Variants in MED16 observed in about 807,000 individuals in gnomAD.
The protein encoded by MED16 is mediator complex subunit 16, also known as mediator of RNA polymerase II transcription subunit 16.
Under a neutral mutation model 84.4 loss-of-function variants are expected in MED16, and 81 were observed. That is an observed-to-expected ratio of 0.96 (90% CI 0.80 to 1.15). The LOEUF (loss-of-function observed/expected upper bound fraction) is 1.15, where lower values mean the gene tolerates loss of function less well. MED16 is among the 50% of genes most tolerant of loss of function. The pLI, the probability that MED16 is intolerant of heterozygous loss-of-function variation, is 0.00. For missense variants in MED16, 1,585 were observed against 1,245.9 expected, an observed-to-expected ratio of 1.27 and a Z score of -4.10; for synonymous variants, 897 against 552.2, an observed-to-expected ratio of 1.62 and a Z score of -8.76.
intron 8 of MED16, among the ~76,000 whole-genome samples, chr19:878,568 AGCCC>A (rs2036326535): frequency 5.4e-5 from 3 of 55,484 alleles, no homozygotes; most frequent in African/African-American, 7.6e-5. Flanking sequence ...CCCCAGCCCC[AGCCC>A]CACATGCCCC....
rs753116958 is a variant in MED16 at position 880,025 on chromosome 19, G to A, written c.1265C>T (p.Pro422Leu). ...GTGGACGGCGGGGCCCGCGGTGCGGGGGCGCTTCATGGCCGGCTCATCCAC... is the reference window on the plus strand; with the variant it reads ...GTGGACGGCGGGGCCCGCGGTGCGGAGGCGCTTCATGGCCGGCTCATCCAC... ...RPVDEPAMKR[P>L]RTAGPAVHLK... Residue 422 changes from proline (P) to leucine (L), a missense_variant, in exon 8 of 16, where the codon CCC (proline) becomes CTC (leucine). By Grantham distance (98) the Pro-to-Leu change is moderately conservative. Coordinates refer to ENST00000325464, the MANE Select transcript of MED16 (RefSeq NM_005481.3). The A allele has an allele frequency of 3.7e-6, 6 of 1,610,692 alleles. No homozygotes were observed. In the South Asian group the frequency reaches 6.6e-5, roughly 18 times the overall value.
chr19:872,206 C>T (rs1001559534), intron 11 of MED16, 88 bp from the exon 12 acceptor site: 19 of 1,163,924 alleles, frequency 1.6e-5, no homozygotes, highest in South Asian at 7.4e-5. Context: ...GAACCCCGAC[C>T]GGGGGGCAAT....
chr19:881,322 T>C (rs2036418643), intron 7 of MED16, among the ~76,000 whole-genome samples: 1 of 152,170 alleles, frequency 6.6e-6, no homozygotes, highest in African/African-American at 2.4e-5. Context: ...AATGACTCTT[T>C]ACATATTAAA....
chr19:869,556 G>C (rs1490168574), intron 13 of MED16, among the ~76,000 whole-genome samples: 2 of 152,074 alleles, frequency 1.3e-5, no homozygotes, highest in African/African-American at 2.4e-5. Flanking sequence ...CCAAACCCTC[G>C]TGTGTGACTC....
At chr19:873,417 G>A (rs1264397821) in intron 11 of MED16, 32 bp downstream of exon 11, 2 of 1,594,096 alleles carry the variant, frequency 1.3e-6, no homozygotes, top group East Asian at 2.2e-5. Context: ...GCCCAGGTGG[G>A]GGGCGGGGCC....
Position 879,933 on chromosome 19 carries a change from T to G in MED16, c.1353+4A>C. 1 of 1,594,978 alleles carries G rather than the reference T, an allele frequency of 6.3e-7. No homozygotes were observed. The highest frequency in any genetic ancestry group is 8.5e-7 in the Non-Finnish European group (1 of 1,172,400). ...CCCCGGCCCCACGTGCCCCAGCAGC[T>G]CACCTTCCCGTGGCTGTCAATCCCC... On this transcript the variant is annotated splice_donor_region_variant and intron_variant, in intron 8 of 15. Transcript: ENST00000325464.
At chr19:878,716 C>T (rs2036332711) in intron 8 of MED16, among the ~76,000 whole-genome samples, 1 of 143,624 alleles carries the variant, frequency 7.0e-6, no homozygotes, top group Admixed American at 6.9e-5. Context: ...CTCGCCTTCC[C>T]CTGGTTGTCA....
chr19:872,144 C>T, intron 11 of MED16, 26 bp from the exon 12 acceptor site: 2 of 1,556,184 alleles, frequency 1.3e-6, no homozygotes, highest in Non-Finnish European at 8.7e-7. Flanking sequence ...ATCGGTGTGG[C>T]TGGGGCGGCG....
intron 11 of MED16, among the ~76,000 whole-genome samples, 194 bp from the exon 12 acceptor site, chr19:872,312 C>G (rs1458937863): frequency 6.6e-6 from 1 of 151,908 alleles, no homozygotes; most frequent in East Asian, 1.9e-4. Context: ...CCTGCAGGGC[C>G]CAGGACAGCC....
rs1052426936 is a variant in MED16, at chr19:872,871, G to A, written c.1905+578C>T. The A allele has an allele frequency of 5.0e-6, 4 of 796,520 alleles. 1 individual carries two copies. The highest frequency in any genetic ancestry group is 8.2e-5 in the South Asian group (2 of 24,244). The allele number at this position is 796,520 out of a possible 1,614,324, so 49.3% of individuals were successfully genotyped here. ...AGCAGGGCCTGGGAGGCGGGGCTTT[G>A]AGAATGGGCAGGAAGGGTGTGGCCA... is the stretch of plus-strand genomic sequence containing the variant. On this transcript the variant is annotated intron_variant, in intron 11 of 15. Transcript: ENST00000325464.
At position 871,225 on chromosome 19, in the gene MED16, C is replaced by A. The variant is rs376670615; in HGVS notation, c.2127G>T (p.Pro709=). Residue 709 remains proline, a synonymous_variant, in exon 13 of 16, where the codon CCG becomes CCT. Coordinates refer to ENST00000325464, the MANE Select transcript of MED16 (RefSeq NM_005481.3). The part of the protein sequence containing the change: ...CCRDEGPASE[P]DEALVDECCL... ...AGCATTCATCCACCAGCGCCTCGTC[C>A]GGCTCGCTCGCTGGGCCCTCATCGC... 20 of 1,542,780 alleles carry A rather than the reference C, an allele frequency of 1.3e-5. No homozygotes were observed. In the South Asian group the frequency reaches 2.0e-4, roughly 16 times the overall value.
rs370563314 is a variant in MED16, at chr19:871,258, G to A, written c.2099-5C>T. 242 of 1,530,634 alleles carry A rather than the reference G, an allele frequency of 1.6e-4. 1 individual carries two copies. The African/African-American group carries it at 2.5e-3, about 16-fold the overall frequency. 94.8% of individuals were successfully genotyped at this position (1,530,634 alleles called of 1,614,324 possible). The stretch of plus-strand genomic sequence containing the variant: ...TCGCTGGGCCCTCATCGCGACCTGC[G>A]GAGAGAGGTGGCGGAAGTCTCAGCA... On this transcript the variant is annotated splice_region_variant and splice_polypyrimidine_tract_variant and intron_variant, in intron 12 of 15. Coordinates refer to ENST00000325464, the MANE Select transcript of MED16 (RefSeq NM_005481.3).
At chr19:884,210 C>T (rs2036478551) in intron 6 of MED16, among the ~76,000 whole-genome samples, 3 of 152,332 alleles carry the variant, frequency 2.0e-5, no homozygotes, top group South Asian at 4.1e-4. Context: ...CGGAGGCCAG[C>T]CTAAAAACCA....
intron 4 of MED16, among the ~76,000 whole-genome samples, chr19:889,139 T>G (rs1328630179): frequency 8.1e-6 from 1 of 123,430 alleles, no homozygotes; most frequent in African/African-American, 3.3e-5. Flanking sequence ...TGGCCACGCC[T>G]ACTCTTAACT....
At position 871,186 on chromosome 19, in the gene MED16, G is replaced by A. The variant is rs940608481; in HGVS notation, c.2166C>T (p.Ser722=). 6.5e-7 allele frequency: 1 copy of A among 1,549,960 alleles called. No homozygotes were observed. The highest frequency in any genetic ancestry group is 8.7e-7 in the Non-Finnish European group (1 of 1,146,634). The change falls in exon 13 of 16, where the codon AGC becomes AGT. Residue 722 remains serine (S), a synonymous_variant. Coordinates refer to ENST00000325464, the MANE Select transcript of MED16 (RefSeq NM_005481.3). ...AGTCCAGGCTGGGGATAAGCAGCTG[G>A]CTGGGCAGCAGGCAGCATTCATCCA... The part of the protein sequence containing the change: ...ALVDECCLLP[S]QLLIPSLDWL...
intron 8 of MED16, 74 bp from the exon 9 acceptor site, chr19:877,254 T>A: frequency 1.4e-6 from 2 of 1,447,212 alleles, no homozygotes; most frequent in East Asian, 2.4e-5. Flanking sequence ...AATGGGGCCC[T>A]GGGGCTGCGG....
intron 9 of MED16, among the ~76,000 whole-genome samples, 185 bp downstream of exon 9, chr19:876,789 C>T (rs957173473): frequency 1.3e-5 from 2 of 152,146 alleles, no homozygotes; most frequent in African/African-American, 4.8e-5. Flanking sequence ...TCCAAGGGAA[C>T]TCCCTCCCTG....
At position 873,444 on chromosome 19, in the gene MED16, C is replaced by T. The variant is rs746125572; in HGVS notation, c.1905+5G>A. 27 of 1,606,120 alleles carry T rather than the reference C, an allele frequency of 1.7e-5. No individual in the cohort carries two copies. The highest frequency in any genetic ancestry group is 1.9e-4 in the Middle Eastern group (1 of 5,354). ...GGCGGGGCCTTAGGGGAGAGCATGG[C>T]GCACCTGGTTGGGTAGGCTGGCCAG... On this transcript the variant is annotated splice_donor_5th_base_variant and intron_variant, in intron 11 of 15. Coordinates refer to ENST00000325464, the MANE Select transcript of MED16 (RefSeq NM_005481.3).
chr19:886,977 G>A (rs993414967), intron 4 of MED16, among the ~76,000 whole-genome samples: 2 of 151,978 alleles, frequency 1.3e-5, no homozygotes, highest in African/African-American at 4.8e-5. Context: ...TACTCAGGAG[G>A]CTGAGGCAGG....
Sources: gnomAD v4.1 joint callset for allele counts (sites outside exome capture counted in the v4.1 genomes callset) on GRCh38, gnomAD v4.1.1 for gene constraint, MANE v1.5 for transcripts, NCBI Gene and HGNC (gene_info 2026-07-23, HGNC 2026-07-21) for gene names.